The following RPS24 variants were observed in gnomAD, a reference collection of about 807,000 sequenced individuals.
RPS24 encodes small ribosomal subunit protein eS24.
For missense variants in RPS24, 100 were observed against 162.5 expected, an observed-to-expected ratio of 0.62 and a Z score of 2.09; for synonymous variants, 72 against 55.6, an observed-to-expected ratio of 1.30 and a Z score of -1.31.
chr10:78,036,064 A>G (rs756790109), intron 3 of RPS24: 7 of 353,842 alleles, frequency 2.0e-5, no homozygotes, highest in Non-Finnish European at 3.2e-5. Context: ...GCTTAAACCC[A>G]TAGGTAGTCA....
downstream of RPS24, among the ~76,000 whole-genome samples, chr10:78,043,030 G>C (rs1242789038): frequency 6.6e-6 from 1 of 151,988 alleles, no homozygotes; most frequent in African/African-American, 2.4e-5. Flanking sequence ...TTTTGAGATG[G>C]AGTCTCACTG....
At position 78,033,878 on chromosome 10, in the gene RPS24, G is replaced by A. The variant is rs948869810; in HGVS notation, c.-24G>A. 2 of 1,613,902 alleles carry A rather than the reference G, an allele frequency of 1.2e-6. No homozygotes were observed. Among genetic ancestry groups the A allele is most frequent in the African/African-American group, 2.7e-5 (2 of 74,930 alleles). On this transcript the variant is annotated 5_prime_UTR_variant, in exon 1 of 6. Coordinates refer to ENST00000372360, the MANE Select transcript of RPS24 (RefSeq NM_033022.4). ...AATCGTGGTTCTCTTTTCCTCCTTG[G>A]CTGTCTGAAGATAGATCGCCATCAT... is the stretch of plus-strand genomic sequence containing the variant.
At chr10:78,050,767 G>C (rs1489274540) in intron 4 of RPS24, among the ~76,000 whole-genome samples, 1 of 152,216 alleles carries the variant, frequency 6.6e-6, no homozygotes, top group African/African-American at 2.4e-5. Context: ...CACAGCACCA[G>C]GCCCAGCTAC....
downstream of RPS24, among the ~76,000 whole-genome samples, chr10:78,042,042 T>C (rs1440255048): frequency 6.6e-6 from 1 of 152,168 alleles, no homozygotes; most frequent in Non-Finnish European, 1.5e-5. Context: ...TTATAGAAAA[T>C]GTGGCAGTCT....
exon 5 of RPS24, chr10:78,056,586 G>C (rs541162646): frequency 1.3e-5 from 2 of 152,112 alleles, no homozygotes; most frequent in African/African-American, 4.8e-5. Flanking sequence ...TGGAGAGATC[G>C]CACTTGCTCC....
At chr10:78,053,839 A>G (rs1848124886) in intron 4 of RPS24, among the ~76,000 whole-genome samples, 1 of 152,134 alleles carries the variant, frequency 6.6e-6, no homozygotes, top group Non-Finnish European at 1.5e-5. Context: ...GGAAGTGGGT[A>G]GACATCAAGG....
intron 4 of RPS24, among the ~76,000 whole-genome samples, chr10:78,049,645 T>C (rs192395729): frequency 3.3e-4 from 50 of 152,296 alleles, no homozygotes; most frequent in African/African-American, 8.2e-4. Context: ...GGTGAGGCAA[T>C]GAAGCGCTTA....
At chr10:78,033,974 A>T (rs1278123124) in intron 1 of RPS24, 70 bp downstream of exon 1, 2 of 1,592,850 alleles carry the variant, frequency 1.3e-6, no homozygotes, top group East Asian at 2.2e-5. Flanking sequence ...GGGTCCCAGT[A>T]CTTGAGCTAT....
chr10:78,037,542 T>G, intron 4 of RPS24: 1 of 543,070 alleles, frequency 1.8e-6, no homozygotes, highest in Non-Finnish European at 3.1e-6. Context: ...GGAGGCCACA[T>G]TGGTTCATTG....
chr10:78,054,944 C>T, exon 5 of RPS24: 1 of 1,495,570 alleles, frequency 6.7e-7, no homozygotes, highest in Non-Finnish European at 9.0e-7. Flanking sequence ...TTGGCCCTTT[C>T]TTTGAAATCC....
At chr10:78,056,099 A>T (rs533643051) in exon 5 of RPS24, 1 of 152,432 alleles carries the variant, frequency 6.6e-6, no homozygotes, top group Admixed American at 6.6e-5. Context: ...GGAGGGGGAG[A>T]TGCCTCTGGT....
downstream of RPS24, among the ~76,000 whole-genome samples, chr10:78,045,479 G>A (rs1024744978): frequency 4.0e-5 from 6 of 151,844 alleles, no homozygotes; most frequent in African/African-American, 9.7e-5. Flanking sequence ...GCAGGTGGGG[G>A]CTTTCTTTTT....
intron 4 of RPS24, chr10:78,037,526 C>G: frequency 1.6e-6 from 1 of 612,688 alleles, no homozygotes; most frequent in Non-Finnish European, 2.6e-6. Context: ...GCTCACAGCA[C>G]AATCTGGAGG....
exon 5 of RPS24, chr10:78,056,078 C>G (rs1044310589): frequency 7.9e-5 from 12 of 152,540 alleles, no homozygotes; most frequent in African/African-American, 2.7e-4. Context: ...AGCTTCTTCT[C>G]TCTTTGTAGG....
intron 4 of RPS24, among the ~76,000 whole-genome samples, chr10:78,050,888 A>G (rs970323584): frequency 6.6e-6 from 1 of 151,836 alleles, no homozygotes; most frequent in South Asian, 2.1e-4. Context: ...GATCATTTTT[A>G]TTATGCCAAA....
At chr10:78,040,353 A>G in intron 5 of RPS24, 128 bp downstream of exon 5, 2 of 844,576 alleles carry the variant, frequency 2.4e-6, no homozygotes, top group Non-Finnish European at 3.9e-6. Flanking sequence ...GAAGAGTTGT[A>G]ACCTTTTAAA....
At chr10:78,040,827 GTGTT>G (rs1406416459), downstream of RPS24, 9 of 682,214 alleles carry the variant, frequency 1.3e-5, no homozygotes, top group Non-Finnish European at 2.3e-5. Context: ...TCATGGGGTG[GTGTT>G]TGTTTGCTGC....
At chr10:78,040,317 T>TCTAGAAGTA in intron 5 of RPS24, 92 bp downstream of exon 5, 4 of 1,021,140 alleles carry the variant, frequency 3.9e-6, no homozygotes, top group Non-Finnish European at 6.2e-6. Context: ...GTGTAGTACA[T>TCTAGAAGTA]CTAGAAGTAG....
chr10:78,047,378 C>G (rs898103233), intron 4 of RPS24, among the ~76,000 whole-genome samples: 34 of 152,104 alleles, frequency 2.2e-4, no homozygotes, highest in African/African-American at 8.2e-4. Context: ...TGTGGAGACC[C>G]GGTAGGACAG....
Sources: gnomAD v4.1 joint callset for allele counts (sites outside exome capture counted in the v4.1 genomes callset) on GRCh38, gnomAD v4.1.1 for gene constraint, MANE v1.5 for transcripts, NCBI Gene and HGNC (gene_info 2026-07-23, HGNC 2026-07-21) for gene names.